The following SCIN variants were observed in gnomAD, a reference collection of about 807,000 sequenced individuals.
SCIN encodes adseverin.
In SCIN, 91 loss-of-function variants were observed where a neutral mutation model predicts 91.8. That is an observed-to-expected ratio of 0.99 (90% CI 0.84 to 1.18). SCIN has a LOEUF of 1.18. Ranked by LOEUF, SCIN falls within the 50% of genes most tolerant of loss-of-function variation. The probability of loss-of-function intolerance (pLI) is 0.00; values close to 1 mark genes in which losing one functional copy is unlikely to be tolerated. For synonymous variants in SCIN, 367 were observed against 312.6 expected (o/e 1.17, Z -1.84); for missense variants, 1,087 against 863.9 (o/e 1.26, Z -3.24).
chr7:12,579,220 C>A (rs1449875804), intron 2 of SCIN, among the ~76,000 whole-genome samples: 2 of 152,026 alleles, frequency 1.3e-5, no homozygotes, highest in Non-Finnish European at 2.9e-5. Context: ...TCAGAGTCTT[C>A]GTTGAATATT....
rs140335897 is a variant in SCIN at position 12,651,316 on chromosome 7, G to A, written c.1960-525G>A. On this transcript the variant is annotated intron_variant, in intron 14 of 15. Coordinates refer to ENST00000297029, the MANE Select transcript of SCIN (RefSeq NM_001112706.3). The surrounding 1 kb of genome is among the most constrained non-coding windows in gnomAD (Gnocchi z 5.9). ...TCTCAGTTAATCTTCCCTAGATCCCGAAAAGGGAGGGCCTCAAAGAAAGTC... is the reference window on the plus strand; with the variant it reads ...TCTCAGTTAATCTTCCCTAGATCCCAAAAAGGGAGGGCCTCAAAGAAAGTC... 7.1e-3 allele frequency among the ~76,000 whole-genome samples: 1,081 copies of A among 152,192 alleles called. 6 individuals carry two copies. Among genetic ancestry groups the A allele is most frequent in the Non-Finnish European group, 0.012 (800 of 68,008 alleles).
At chr7:12,645,129 G>T (rs1783936485) in intron 13 of SCIN, among the ~76,000 whole-genome samples, 1 of 151,766 alleles carries the variant, frequency 6.6e-6, no homozygotes, top group Admixed American at 6.6e-5. Context: ...GACCAGCCTG[G>T]CCAATATGGT....
At chr7:12,624,074 T>G (rs1783463421) in intron 5 of SCIN, among the ~76,000 whole-genome samples, 1 of 152,292 alleles carries the variant, frequency 6.6e-6, no homozygotes, top group East Asian at 1.9e-4. Context: ...TCATCCTGAG[T>G]CATAGCTTCC....
chr7:12,574,774 T>C (rs1266734937), intron 1 of SCIN, among the ~76,000 whole-genome samples: 8 of 152,122 alleles, frequency 5.3e-5, no homozygotes, highest in African/African-American at 1.9e-4. Flanking sequence ...GGTAGAGTGA[T>C]TCCCCCCACT....
At chr7:12,610,785 C>T (rs1443991039) in intron 4 of SCIN, among the ~76,000 whole-genome samples, 4 of 152,080 alleles carry the variant, frequency 2.6e-5, no homozygotes, top group Non-Finnish European at 5.9e-5. Context: ...TAGAACCAGC[C>T]TCTCGAAAAA....
chr7:12,657,572 ATTTTTTTT>A lies in SCIN; in HGVS notation c.*4876_*4883del, dbSNP rs71030521. 2.7e-4 allele frequency: 6 copies of A among 22,078 alleles called. No homozygotes were observed. Among genetic ancestry groups the A allele is most frequent in the Non-Finnish European group, 2.6e-4 (2 of 7,720 alleles). The allele number at this position is 22,078 out of a possible 1,614,324, so 1.4% of individuals were successfully genotyped here. ...TATATATATATATATATATATATATATTTTTTTTTTTTTTTTTTTTTTTTTTGCATTGG... is the reference window on the plus strand; with the variant it reads ...TATATATATATATATATATATATATATTTTTTTTTTTTTTTTTTGCATTGG... On this transcript the variant is annotated 3_prime_UTR_variant, in exon 16 of 16. Transcript: ENST00000297029.
At chr7:12,593,443 G>A (rs541558299) in intron 3 of SCIN, among the ~76,000 whole-genome samples, 6 of 152,198 alleles carry the variant, frequency 3.9e-5, no homozygotes, top group South Asian at 4.2e-4. Context: ...CGGGTATTAA[G>A]AACAATAGTT....
intron 4 of SCIN, among the ~76,000 whole-genome samples, chr7:12,610,539 T>C (rs1335909065): frequency 6.6e-6 from 1 of 152,230 alleles, no homozygotes; most frequent in Non-Finnish European, 1.5e-5. Flanking sequence ...ATTAAGACAA[T>C]TAACTGTGAA....
chr7:12,642,481 T>G (rs924687937), intron 11 of SCIN, among the ~76,000 whole-genome samples: 2 of 151,956 alleles, frequency 1.3e-5, no homozygotes, highest in African/African-American at 4.8e-5. Flanking sequence ...ATCATTTCTC[T>G]GTCCTTCTTA....
At chr7:12,571,102 G>A in intron 1 of SCIN, 117 bp downstream of exon 1, 1 of 1,158,254 alleles carries the variant, frequency 8.6e-7, no homozygotes, top group Non-Finnish European at 1.2e-6. Flanking sequence ...CTAGCCACTC[G>A]CGCCCCCACG....
intron 4 of SCIN, among the ~76,000 whole-genome samples, chr7:12,618,016 T>C (rs566089742): frequency 1.3e-5 from 2 of 152,192 alleles, no homozygotes; most frequent in African/African-American, 4.8e-5. Context: ...TCTTATGAGT[T>C]TGACCCTTCA....
At position 12,657,793 on chromosome 7, in the gene SCIN, A is replaced by G. The variant is rs1784197570; in HGVS notation, c.*5078A>G. ...CTTATTAAGATGTTATTTCTAGTTT[A>G]TAATTGACTATGGCATTTGCATGCA... On this transcript the variant is annotated 3_prime_UTR_variant, in exon 16 of 16. Coordinates refer to ENST00000297029, the MANE Select transcript of SCIN (RefSeq NM_001112706.3). 1.3e-5 allele frequency: 2 copies of G among 151,348 alleles called. No individual in the cohort carries two copies. Among genetic ancestry groups the G allele is most frequent in the South Asian group, 4.2e-4 (2 of 4,794 alleles). The allele number at this position is 151,348 out of a possible 1,614,324, so 9.4% of individuals were successfully genotyped here. A position where few individuals can be genotyped will look rare whatever the true frequency, so the allele number is the denominator to read the frequency against.
intron 7 of SCIN, chr7:12,626,141 T>A (rs2115274805): frequency 2.8e-6 from 1 of 354,738 alleles, no homozygotes; most frequent in Admixed American, 4.4e-5. Flanking sequence ...TAAGAGTTAT[T>A]ATTCCTTAGA....
chr7:12,618,222 G>A (rs1264155608), intron 4 of SCIN, among the ~76,000 whole-genome samples: 3 of 152,054 alleles, frequency 2.0e-5, no homozygotes, highest in Non-Finnish European at 2.9e-5. Flanking sequence ...CAGCTACTCA[G>A]TCACACTAGC....
chr7:12,657,992 A>C lies in SCIN; in HGVS notation c.*5277A>C, dbSNP rs1784202634. 6.6e-6 allele frequency: 1 copy of C among 152,174 alleles called. No individual in the cohort carries two copies. Among genetic ancestry groups the C allele is most frequent in the African/African-American group, 2.4e-5 (1 of 41,442 alleles). The allele number at this position is 152,174 out of a possible 1,614,324, so 9.4% of individuals were successfully genotyped here. ...GAGAGATTATTTTTGATGTTATTAT[A>C]ATAAAAATGACACCTTTACTAAAAA... On this transcript the variant is annotated 3_prime_UTR_variant, in exon 16 of 16. Coordinates refer to ENST00000297029, the MANE Select transcript of SCIN (RefSeq NM_001112706.3).
At chr7:12,627,091 TACACAC>T (rs10654667) in intron 8 of SCIN, among the ~76,000 whole-genome samples, 18 of 149,244 alleles carry the variant, frequency 1.2e-4, no homozygotes, top group Non-Finnish European at 1.9e-4. Context: ...AATGTGTGTA[TACACAC>T]ACACACACAC....
At chr7:12,634,754 G>A (rs1386231356) in intron 9 of SCIN, among the ~76,000 whole-genome samples, 1 of 152,124 alleles carries the variant, frequency 6.6e-6, no homozygotes, top group African/African-American at 2.4e-5. Context: ...TCTCCCACAA[G>A]TTGCTTTACA....
intron 3 of SCIN, among the ~76,000 whole-genome samples, chr7:12,587,854 C>T (rs946007064): frequency 2.0e-5 from 3 of 152,238 alleles, no homozygotes; most frequent in African/African-American, 7.2e-5. Flanking sequence ...TCTTACACCA[C>T]CTCACATTCT....
intron 7 of SCIN, 115 bp downstream of exon 7, chr7:12,625,965 C>A: frequency 1.6e-6 from 1 of 633,460 alleles, no homozygotes; most frequent in Non-Finnish European, 2.7e-6. Context: ...TGAAGTGATT[C>A]TCCACCTGCC....
Sources: allele counts gnomAD v4.1 joint callset (sites outside exome capture counted in the v4.1 genomes callset), GRCh38; gene constraint gnomAD v4.1.1; non-coding constraint Gnocchi (gnomAD v3.1); transcripts MANE v1.5; gene names NCBI Gene and HGNC (gene_info 2026-07-23, HGNC 2026-07-21).